The following MAPK10 variants were observed in gnomAD, a reference collection of about 807,000 sequenced individuals.
MAPK10 encodes the protein mitogen-activated protein kinase 10.
In MAPK10, 25 loss-of-function variants were observed where a neutral mutation model predicts 59.3. The observed-to-expected ratio is 0.42, with a 90% CI of 0.31 to 0.59. MAPK10 has a LOEUF of 0.59. MAPK10 is among the 20% of genes least tolerant of loss of function. The probability of loss-of-function intolerance (pLI) is 0.15; values close to 1 mark genes in which losing one functional copy is unlikely to be tolerated. For synonymous variants in MAPK10, 190 were observed against 200.5 expected (o/e 0.95, Z 0.44); for missense variants, 351 against 568.9 (o/e 0.62, Z 3.90).
chr4:86,114,390 C>A (rs192107176), intron 4 of MAPK10, among the ~76,000 whole-genome samples: 1 of 152,020 alleles, frequency 6.6e-6, no homozygotes, highest in Admixed American at 6.6e-5. Flanking sequence ...GACCTTTGGA[C>A]GGGGTTTTTG....
chr4:86,529,644 A>G (rs1757720558), intron 1 of MAPK10, among the ~76,000 whole-genome samples: 1 of 152,052 alleles, frequency 6.6e-6, no homozygotes, highest in African/African-American at 2.4e-5. Flanking sequence ...GTCTGTACAC[A>G]TACTCCCCAA....
At chr4:86,346,268 G>A (rs898902983) in intron 2 of MAPK10, among the ~76,000 whole-genome samples, 2 of 152,102 alleles carry the variant, frequency 1.3e-5, no homozygotes, top group Admixed American at 6.6e-5. Context: ...CAACCCCGGA[G>A]GATACCAAAA....
intron 1 of MAPK10, among the ~76,000 whole-genome samples, chr4:86,490,117 T>G (rs1468407689): frequency 2.0e-5 from 3 of 152,242 alleles, no homozygotes; most frequent in African/African-American, 7.2e-5. Flanking sequence ...GTGTATCTGC[T>G]TGTTCTTAAA....
At chr4:86,442,059 A>C (rs1749486277) in intron 1 of MAPK10, among the ~76,000 whole-genome samples, 1 of 152,172 alleles carries the variant, frequency 6.6e-6, no homozygotes. Context: ...TCCAGAACAC[A>C]TACAACTAAT....
intron 1 of MAPK10, among the ~76,000 whole-genome samples, chr4:86,421,004 C>T (rs1746458127): frequency 6.6e-6 from 1 of 151,956 alleles, no homozygotes; most frequent in South Asian, 2.1e-4. Context: ...ATCGCTTGAA[C>T]CCGGGAGGCA....
chr4:86,445,240 T>TA (rs1270490803), intron 1 of MAPK10, among the ~76,000 whole-genome samples: 1 of 152,126 alleles, frequency 6.6e-6, no homozygotes, highest in East Asian at 1.9e-4. Flanking sequence ...TATGTAGCCA[T>TA]AAAAATAAAC....
At chr4:86,204,804 G>T (rs1347741093) in intron 2 of MAPK10, among the ~76,000 whole-genome samples, 1 of 151,924 alleles carries the variant, frequency 6.6e-6, no homozygotes, top group Non-Finnish European at 1.5e-5. Context: ...ACTATGCATG[G>T]CTTAAATTGT....
At chr4:86,022,683 A>T (rs1038191754) in intron 13 of MAPK10, among the ~76,000 whole-genome samples, 2 of 152,062 alleles carry the variant, frequency 1.3e-5, no homozygotes, top group Non-Finnish European at 2.9e-5. Context: ...TAAAAAAAAG[A>T]TTTTTTGTAG....
chr4:86,378,343 T>A (rs1385177307), intron 1 of MAPK10, among the ~76,000 whole-genome samples: 1 of 152,168 alleles, frequency 6.6e-6, no homozygotes, highest in Non-Finnish European at 1.5e-5. Flanking sequence ...GCAACTCTCT[T>A]CCTTAACGTG....
intron 2 of MAPK10, among the ~76,000 whole-genome samples, chr4:86,284,890 C>A (rs1400675894): frequency 6.6e-6 from 1 of 152,066 alleles, no homozygotes; most frequent in Non-Finnish European, 1.5e-5. Context: ...CTGTCAAGGG[C>A]TTGGAGTAAG....
intron 4 of MAPK10, 132 bp from the exon 5 acceptor site, chr4:86,107,484 C>A: frequency 7.4e-7 from 1 of 1,357,578 alleles, no homozygotes; most frequent in African/African-American, 1.5e-5. Flanking sequence ...GGTCACATGC[C>A]AATCAGGCTT....
rs113551997 is a variant in MAPK10 at position 86,246,130 on chromosome 4, C to T, written c.-6-51723G>A. Among the ~76,000 whole-genome samples, 35 of 152,200 alleles carry T rather than the reference C, an allele frequency of 2.3e-4. No homozygotes were observed. In the Middle Eastern group the frequency reaches 0.01, roughly 44 times the overall value. The stretch of plus-strand genomic sequence containing the variant: ...AAACATTCAAAAATAAATTAAATAA[C>T]CTTAAAAGTCAAGTTGTTGGGCCAG... On this transcript the variant is annotated intron_variant, in intron 2 of 13. Coordinates refer to ENST00000641462, the MANE Select transcript of MAPK10 (RefSeq NM_138982.4).
chr4:86,409,362 A>G (rs1368417327), intron 1 of MAPK10, among the ~76,000 whole-genome samples: 4 of 152,214 alleles, frequency 2.6e-5, no homozygotes, highest in South Asian at 2.1e-4. Flanking sequence ...CTTTCTGCTT[A>G]GGATTGTCTT....
At chr4:86,357,789 T>C (rs1735273133) in intron 1 of MAPK10, 1 of 152,170 alleles carries the variant, frequency 6.6e-6, no homozygotes. Context: ...CCACTCTACA[T>C]ATAATTTCTT....
At chr4:86,423,760 GATATATATACAT>G (rs1179864467) in intron 1 of MAPK10, among the ~76,000 whole-genome samples, 1,465 of 117,076 alleles carry the variant, frequency 0.013, 38 homozygotes, top group East Asian at 0.044. Context: ...TAATTAGTGG[GATATATATACAT>G]ATATATATAT....
At chr4:86,367,469 T>C (rs536036534) in intron 1 of MAPK10, among the ~76,000 whole-genome samples, 3 of 152,224 alleles carry the variant, frequency 2.0e-5, no homozygotes, top group African/African-American at 7.2e-5. Flanking sequence ...ATATAATAGC[T>C]GCCCTTTGGA....
chr4:86,168,089 G>A (rs945586900), intron 3 of MAPK10, among the ~76,000 whole-genome samples: 1 of 152,162 alleles, frequency 6.6e-6, no homozygotes, highest in Non-Finnish European at 1.5e-5. Context: ...CAGCCAAGAT[G>A]GCCTAATAGG....
chr4:86,590,202 G>T (rs1762937817), intron 1 of MAPK10, among the ~76,000 whole-genome samples: 1 of 151,780 alleles, frequency 6.6e-6, no homozygotes, highest in Non-Finnish European at 1.5e-5. Context: ...TTTGGAAAAG[G>T]ATATTTAGGT....
intron 1 of MAPK10, among the ~76,000 whole-genome samples, chr4:86,527,302 A>G (rs1253473247): frequency 7.3e-6 from 1 of 137,108 alleles, no homozygotes; most frequent in East Asian, 2.1e-4. Context: ...ACAGAGTGAG[A>G]CACTGTTGCC....
Sources: allele counts gnomAD v4.1 joint callset (sites outside exome capture counted in the v4.1 genomes callset), GRCh38; gene constraint gnomAD v4.1.1; transcripts MANE v1.5; gene names NCBI Gene and HGNC (gene_info 2026-07-23, HGNC 2026-07-21).